The following CLEC19A variants were observed in gnomAD, a reference collection of about 807,000 sequenced individuals.
CLEC19A encodes C-type lectin domain family 19 member A.
Under a neutral mutation model 26.1 loss-of-function variants are expected in CLEC19A, and 21 were observed. The observed-to-expected ratio is 0.80, with a 90% CI of 0.57 to 1.16. The LOEUF (loss-of-function observed/expected upper bound fraction) is 1.16, where lower values mean the gene tolerates loss of function less well. CLEC19A is among the 50% of genes most tolerant of loss of function. CLEC19A has a pLI of 0.00. For synonymous variants in CLEC19A, 89 were observed against 88.6 expected (o/e 1.00, Z -0.03); for missense variants, 224 against 227.6 (o/e 0.98, Z 0.10).
At chr16:19,306,086 G>A (rs1461352406) in intron 3 of CLEC19A, among the ~76,000 whole-genome samples, 6 of 150,396 alleles carry the variant, frequency 4.0e-5, no homozygotes, top group South Asian at 2.1e-4. Flanking sequence ...CTCGTGATCC[G>A]CCCGCCTCAG....
chr16:19,297,696 ATACTCTT>A (rs1897734528), intron 1 of CLEC19A, among the ~76,000 whole-genome samples: 1 of 152,226 alleles, frequency 6.6e-6, no homozygotes, highest in Non-Finnish European at 1.5e-5. Context: ...GGAAATGCTT[ATACTCTT>A]TAATTTTTAG....
chr16:19,304,164 G>A lies in CLEC19A; in HGVS notation c.348+9G>A. ...TTCATGATCACAGACAGGTGAGAAA[G>A]CAGTGGCCATTGGGCCCCCTTGGAA... On this transcript the variant is annotated intron_variant, in intron 3 of 4. Transcript: ENST00000636231. 6.5e-7 allele frequency: 1 copy of A among 1,550,024 alleles called. No individual in the cohort carries two copies. Among genetic ancestry groups the A allele is most frequent in the Non-Finnish European group, 8.7e-7 (1 of 1,146,442 alleles).
At chr16:19,300,793 A>T (rs750175017) in intron 2 of CLEC19A, among the ~76,000 whole-genome samples, 1 of 152,202 alleles carries the variant, frequency 6.6e-6, no homozygotes, top group Non-Finnish European at 1.5e-5. Context: ...CAAACTAGAG[A>T]TACATAGGAG....
Position 19,309,397 on chromosome 16 carries a change from A to C in CLEC19A, c.*314A>C. ...GGGTCACGTGCCCATCCCTGAAGCAATCACTTTGGCATATGCTAAGTGGCT... is the reference window on the plus strand; with the variant it reads ...GGGTCACGTGCCCATCCCTGAAGCACTCACTTTGGCATATGCTAAGTGGCT... On this transcript the variant is annotated 3_prime_UTR_variant, in exon 5 of 5. Transcript: ENST00000636231. 4.4e-6 allele frequency: 1 copy of C among 226,058 alleles called. No homozygotes were observed. The allele number at this position is 226,058 out of a possible 1,614,324, so 14.0% of individuals were successfully genotyped here. A position where few individuals can be genotyped will look rare whatever the true frequency, so the allele number is the denominator to read the frequency against.
Position 19,301,766 on chromosome 16 carries a change from T to TTTTTA in CLEC19A, c.255-2296_255-2295insTTTTA, listed in dbSNP as rs1291095115. On this transcript the variant is annotated intron_variant, in intron 2 of 4. Coordinates refer to ENST00000636231, the MANE Select transcript of CLEC19A (RefSeq NM_001256720.2). ...TTTTTTTTTTTTTTTTTTTTTTTTG[T>TTTTTA]ATTTTTAGCAGAGACGGAGTTTCAC... Among the ~76,000 whole-genome samples the TTTTTA allele has an allele frequency of 1.1e-3, 133 of 116,104 alleles. 2 individuals carry two copies. The highest frequency in any genetic ancestry group is 4.3e-3 in the Middle Eastern group (1 of 234). The allele number at this position is 116,104 out of a possible 152,430, so 76.2% of individuals were successfully genotyped here. A position where few individuals can be genotyped will look rare whatever the true frequency, so the allele number is the denominator to read the frequency against.
chr16:19,289,272 A>T (rs1453602900), intron 1 of CLEC19A, among the ~76,000 whole-genome samples: 1 of 152,210 alleles, frequency 6.6e-6, no homozygotes. Context: ...ACATACTTCT[A>T]GAATACTTAG....
intron 3 of CLEC19A, 79 bp downstream of exon 3, chr16:19,304,234 A>G: frequency 8.2e-7 from 1 of 1,212,286 alleles, no homozygotes; most frequent in Non-Finnish European, 1.2e-6. Context: ...TTTTCACATC[A>G]GTGCCAGGTC....
At chr16:19,305,823 T>G (rs1897940793) in intron 3 of CLEC19A, among the ~76,000 whole-genome samples, 1 of 152,054 alleles carries the variant, frequency 6.6e-6, no homozygotes, top group South Asian at 2.1e-4. Flanking sequence ...TGAGTTTTTT[T>G]GGGTTTTTTT....
At position 19,298,709 on chromosome 16, in the gene CLEC19A, T is replaced by C. The variant is rs1401681492; in HGVS notation, c.125T>C (p.Leu42Pro). 1 of 1,551,162 alleles carries C rather than the reference T, an allele frequency of 6.4e-7. No homozygotes were observed. Among genetic ancestry groups the C allele is most frequent in the Admixed American group, 2.0e-5 (1 of 51,006 alleles). ...PELPLPSLCP[L>P]FWMEFKGHCY... The stretch of plus-strand genomic sequence containing the variant: ...CTGCCCCTGCCTTCCCTGTGCCCCC[T>C]GTTCTGGATGGAGTTCAAAGGCCAC... Residue 42 changes from leucine (L) to proline (P), a missense_variant, in exon 2 of 5, where the codon CTG becomes CCG. Physicochemically the swap from Leu to Pro is moderately conservative, Grantham distance 98. Coordinates refer to ENST00000636231, the MANE Select transcript of CLEC19A (RefSeq NM_001256720.2).
In CLEC19A at chr16:19,309,323, A is replaced by C. The variant is rs1898021179; in HGVS notation, c.*240A>C. ...TTTTTTAAATTGACCCAAGTAACAA[A>C]AATCCAGGGGTTGTTCTGATTCAGA... On this transcript the variant is annotated 3_prime_UTR_variant, in exon 5 of 5. Transcript: ENST00000636231. 2 of 416,732 alleles carry C rather than the reference A, an allele frequency of 4.8e-6. No individual in the cohort carries two copies. Among genetic ancestry groups the C allele is most frequent in the Non-Finnish European group, 8.8e-6 (2 of 227,752 alleles). 25.8% of individuals were successfully genotyped at this position (416,732 alleles called of 1,614,324 possible).
chr16:19,301,941 A>T (rs1380732255), intron 2 of CLEC19A, among the ~76,000 whole-genome samples: 1 of 151,672 alleles, frequency 6.6e-6, no homozygotes, highest in African/African-American at 2.4e-5. Flanking sequence ...CATGCCTCTA[A>T]AGTTCTTACA....
At position 19,288,685 on chromosome 16, in the gene CLEC19A, T is replaced by A. The variant is rs146257954; in HGVS notation, c.88+2746T>A. Among the ~76,000 whole-genome samples, 957 of 152,334 alleles carry A rather than the reference T, an allele frequency of 6.3e-3. 9 individuals carry two copies. Among genetic ancestry groups the A allele is most frequent in the African/African-American group, 0.022 (907 of 41,570 alleles). ...CTCATTGTTTAAGTGGATTAATGAA[T>A]GTAAAGTCCTCAGAACAGTGTCTGG... On this transcript the variant is annotated intron_variant, in intron 1 of 4. Transcript: ENST00000636231.
chr16:19,294,955 T>G (rs899130175), intron 1 of CLEC19A, among the ~76,000 whole-genome samples: 1 of 152,082 alleles, frequency 6.6e-6, no homozygotes, highest in Non-Finnish European at 1.5e-5. Context: ...ACATTTCGGG[T>G]CGGATGATTC....
In CLEC19A at chr16:19,298,784, A is replaced by G; in HGVS notation, c.200A>G (p.Tyr67Cys). Reference protein sequence around the residue: ...LNKTWAEADLYCSEFSVGRKS... With the variant: ...LNKTWAEADLCCSEFSVGRKS... ...AAGACCTGGGCTGAGGCCGACCTCT[A>G]CTGTTCTGAGTTCTCTGTGGGCAGG... Residue 67 changes from tyrosine to cysteine, a missense_variant, in exon 2 of 5, where the codon TAC (tyrosine) becomes TGC (cysteine). Tyr to Cys is a radical substitution (Grantham distance 194). Transcript: ENST00000636231. 1 of 1,549,934 alleles carries G rather than the reference A, an allele frequency of 6.5e-7. No homozygotes were observed. Among genetic ancestry groups the G allele is most frequent in the Non-Finnish European group, 8.7e-7 (1 of 1,146,820 alleles).
intron 2 of CLEC19A, 133 bp downstream of exon 2, chr16:19,298,971 C>T (rs547191464): frequency 4.0e-6 from 4 of 1,008,902 alleles, no homozygotes; most frequent in Non-Finnish European, 2.8e-6. Context: ...TGGAGTCTTG[C>T]TATGTTGCCC....
At chr16:19,299,153 C>A (rs1897765514) in intron 2 of CLEC19A, among the ~76,000 whole-genome samples, 1 of 152,184 alleles carries the variant, frequency 6.6e-6, no homozygotes, top group Non-Finnish European at 1.5e-5. Context: ...GCAGGGGTAG[C>A]AAATAGCATG....
At chr16:19,294,655 G>T (rs1897666985) in intron 1 of CLEC19A, among the ~76,000 whole-genome samples, 1 of 152,128 alleles carries the variant, frequency 6.6e-6, no homozygotes, top group African/African-American at 2.4e-5. Flanking sequence ...CTTTAGTGAG[G>T]TCCATGTCGT....
At chr16:19,289,775 G>A (rs1897543751) in intron 1 of CLEC19A, among the ~76,000 whole-genome samples, 1 of 152,248 alleles carries the variant, frequency 6.6e-6, no homozygotes, top group Non-Finnish European at 1.5e-5. Flanking sequence ...AGATAGGAGA[G>A]ACCTGGTGCC....
rs767358339 is a variant in CLEC19A, at chr16:19,304,082, T to C, written c.275T>C (p.Val92Ala). ...CGCAGCTGGGAGGAGAATGTCTTTG[T>C]ATATGACCTCGTGAACAGCTGTGTT... is the stretch of plus-strand genomic sequence containing the variant. ...SIHSWEENVF[V>A]YDLVNSCVPG... Residue 92 changes from valine to alanine, a missense_variant, in exon 3 of 5, where the codon GTA becomes GCA. Val to Ala is a moderately conservative substitution (Grantham distance 64, BLOSUM62 0). Transcript: ENST00000636231. 25 of 1,550,386 alleles carry C rather than the reference T, an allele frequency of 1.6e-5. No homozygotes were observed. The highest frequency in any genetic ancestry group is 2.1e-5 in the Non-Finnish European group (24 of 1,146,934).
Sources: gnomAD v4.1 joint callset for allele counts (sites outside exome capture counted in the v4.1 genomes callset) on GRCh38, gnomAD v4.1.1 for gene constraint, MANE v1.5 for transcripts, NCBI Gene and HGNC (gene_info 2026-07-23, HGNC 2026-07-21) for gene names.